The following GPC3 variants were observed in gnomAD, a reference collection of about 807,000 sequenced individuals.
GPC3 encodes glypican 3.
In GPC3, 3 loss-of-function variants were observed where a neutral mutation model predicts 34.4. The ratio of observed to expected loss-of-function variants is 0.09; its 90% CI spans 0.04 to 0.23. GPC3 has a LOEUF of 0.23. GPC3 is among the 10% of genes least tolerant of loss of function. The pLI is 1.00. For synonymous variants in GPC3, 177 were observed against 174.0 expected, an observed-to-expected ratio of 1.02 and a Z score of -0.13; for missense variants, 351 against 445.6, an observed-to-expected ratio of 0.79 and a Z score of 1.91.
intron 3 of GPC3, among the ~76,000 whole-genome samples, chrX:133,735,790 T>G (rs1445116628): frequency 9.2e-6 from 1 of 108,770 alleles, no homozygotes; most frequent in Non-Finnish European, 1.9e-5. Flanking sequence ...TGGTAAAACC[T>G]CATCTCTACA....
intron 6 of GPC3, among the ~76,000 whole-genome samples, chrX:133,617,963 A>C (rs1480225112): frequency 8.9e-6 from 1 of 111,783 alleles, no homozygotes; most frequent in East Asian, 2.8e-4. Flanking sequence ...GTGTGAACCG[A>C]AACATTTTGA....
intron 5 of GPC3, among the ~76,000 whole-genome samples, chrX:133,682,763 T>A (rs765131735): frequency 2.7e-5 from 3 of 110,938 alleles, no homozygotes; most frequent in Non-Finnish European, 5.7e-5. Context: ...GGTCAGGAGT[T>A]CGAGACCAGC....
At chrX:133,856,020 T>A (rs956521215) in intron 2 of GPC3, among the ~76,000 whole-genome samples, 1 of 111,973 alleles carries the variant, frequency 8.9e-6, no homozygotes, top group Non-Finnish European at 1.9e-5. Context: ...ATTTTCTTTA[T>A]CCATTTGTCT....
At chrX:133,831,885 T>G (rs754617815) in intron 2 of GPC3, among the ~76,000 whole-genome samples, 1 of 112,865 alleles carries the variant, frequency 8.9e-6, no homozygotes, top group African/African-American at 3.2e-5. Flanking sequence ...TTAAAACATC[T>G]ATTAACTCAT....
chrX:133,830,706 A>AC (rs1162301550), intron 2 of GPC3, among the ~76,000 whole-genome samples: 5 of 105,218 alleles, frequency 4.8e-5, no homozygotes, highest in Non-Finnish European at 7.8e-5. Context: ...AAAAAAAAAA[A>AC]CATACAATTT....
intron 2 of GPC3, among the ~76,000 whole-genome samples, chrX:133,874,621 G>A (rs1427513061): frequency 8.9e-6 from 1 of 111,770 alleles, no homozygotes; most frequent in African/African-American, 3.3e-5. Context: ...GACAACAGAC[G>A]ATGTTTTTAC....
At chrX:133,702,936 C>T (rs1391570439) in intron 3 of GPC3, among the ~76,000 whole-genome samples, 3 of 112,435 alleles carry the variant, frequency 2.7e-5, no homozygotes, top group Non-Finnish European at 3.8e-5. Context: ...TTCACCTCCA[C>T]ACTATGTGAG....
intron 2 of GPC3, among the ~76,000 whole-genome samples, chrX:133,893,828 TTTTG>T (rs1333416874): frequency 4.5e-5 from 5 of 111,375 alleles, no homozygotes; most frequent in African/African-American, 1.3e-4. Context: ...AAAGTGGGTT[TTTTG>T]TTTGTTTTTT....
intron 6 of GPC3, among the ~76,000 whole-genome samples, chrX:133,643,182 T>C (rs2124382532): frequency 1.3e-5 from 1 of 76,279 alleles, no homozygotes; most frequent in Admixed American, 1.4e-4. Context: ...CCTGGGACCA[T>C]GTCTCTAAAA....
At position 133,593,091 on chromosome X, in the gene GPC3, C is replaced by T. The variant is rs112993565; in HGVS notation, c.1573+3349G>A. 1.8e-3 allele frequency among the ~76,000 whole-genome samples: 195 copies of T among 109,863 alleles called. 1 individual carries two copies. The highest frequency in any genetic ancestry group is 6.1e-3 in the African/African-American group (185 of 30,188). ...CTGTAATCCCAGCACTTTGGGAGGC[C>T]GAGGCAGGCGGGGATCACACGAGGT... On this transcript the variant is annotated intron_variant, in intron 7 of 7. Transcript: ENST00000370818.
chrX:133,593,353 G>GAAAAAAAAAAAAAAAAAAAAAAAAAAAAA (rs1569391707), intron 7 of GPC3, among the ~76,000 whole-genome samples: 1 of 58,158 alleles, frequency 1.7e-5, no homozygotes, highest in Non-Finnish European at 3.3e-5. Context: ...AAAAAAAAAA[G>GAAAAAAAAAAAAAAAAAAAAAAAAAAAAA]TAAAAAAAAA....
chrX:133,542,326 G>C (rs2069348026), intron 7 of GPC3, among the ~76,000 whole-genome samples: 1 of 111,325 alleles, frequency 9.0e-6, no homozygotes, highest in African/African-American at 3.3e-5. Context: ...CTGGACCTGG[G>C]GTGCATCAAG....
intron 7 of GPC3, among the ~76,000 whole-genome samples, chrX:133,565,215 T>C (rs1569383935): frequency 8.9e-6 from 1 of 111,739 alleles, no homozygotes; most frequent in Non-Finnish European, 1.9e-5. Flanking sequence ...CCCAGCATAG[T>C]AGAGTCTGGC....
intron 3 of GPC3, among the ~76,000 whole-genome samples, chrX:133,740,301 T>C (rs2071551533): frequency 8.9e-6 from 1 of 112,312 alleles, no homozygotes; most frequent in Non-Finnish European, 1.9e-5. Context: ...TTTCCACCAC[T>C]GTGTATTCTT....
At chrX:133,641,233 T>C (rs1433644121) in intron 6 of GPC3, among the ~76,000 whole-genome samples, 2 of 110,323 alleles carry the variant, frequency 1.8e-5, no homozygotes, top group African/African-American at 3.3e-5. Flanking sequence ...CTCAGCACTT[T>C]GGGAGGCCGA....
intron 6 of GPC3, among the ~76,000 whole-genome samples, chrX:133,631,688 A>G (rs913836176): frequency 1.1e-4 from 12 of 111,408 alleles, no homozygotes; most frequent in African/African-American, 1.6e-4. Context: ...AGGAACCACC[A>G]TACTGTTTTT....
chrX:133,840,343 T>C (rs912609831), intron 2 of GPC3, among the ~76,000 whole-genome samples: 1 of 111,043 alleles, frequency 9.0e-6, no homozygotes, highest in African/African-American at 3.3e-5. Context: ...TTAAGGTGAT[T>C]GAGGCTAGGG....
chrX:133,793,379 A>G (rs1007045361), intron 2 of GPC3, among the ~76,000 whole-genome samples: 1 of 112,186 alleles, frequency 8.9e-6, no homozygotes, highest in African/African-American at 3.2e-5. Context: ...ATCCAAAAAC[A>G]TTTAATATGA....
chrX:133,827,937 T>A (rs1603255129), intron 2 of GPC3, among the ~76,000 whole-genome samples: 1 of 38,964 alleles, frequency 2.6e-5, no homozygotes. Context: ...AGAGCAAAAC[T>A]CCATCCCAAA....
Sources: gnomAD v4.1 joint callset for allele counts (sites outside exome capture counted in the v4.1 genomes callset) on GRCh38, gnomAD v4.1.1 for gene constraint, MANE v1.5 for transcripts, NCBI Gene and HGNC (gene_info 2026-07-23, HGNC 2026-07-21) for gene names.